MAD1L1: variants seen among roughly 807,000 people sequenced by gnomAD.
MAD1L1 encodes the protein mitotic spindle assembly checkpoint protein MAD1.
In MAD1L1, 95 loss-of-function variants were observed where a neutral mutation model predicts 96.9. The observed-to-expected ratio is 0.98, with a 90% CI of 0.83 to 1.16. The LOEUF (loss-of-function observed/expected upper bound fraction) is 1.16. Ranked by LOEUF, MAD1L1 falls within the 50% of genes most tolerant of loss-of-function variation. MAD1L1 has a pLI of 0.00. For synonymous variants in MAD1L1, 473 were observed against 396.6 expected (o/e 1.19, Z -2.29); for missense variants, 1,007 against 954.4 (o/e 1.06, Z -0.73).
intron 11 of MAD1L1, among the ~76,000 whole-genome samples, chr7:2,111,168 C>G (rs571762087): frequency 6.6e-6 from 1 of 152,206 alleles, no homozygotes; most frequent in African/African-American, 2.4e-5. Flanking sequence ...GCACACACAC[C>G]GAGCGTCCAC....
chr7:2,219,558 C>G, intron 5 of MAD1L1, 102 bp from the exon 6 acceptor site: 1 of 1,300,978 alleles, frequency 7.7e-7, no homozygotes, highest in Non-Finnish European at 1.1e-6. Context: ...ACACCACCCA[C>G]GTGCTATAAT....
chr7:2,002,254 G>C (rs536888956), intron 13 of MAD1L1, 133 bp from the exon 14 acceptor site: 1 of 823,888 alleles, frequency 1.2e-6, no homozygotes, highest in African/African-American at 1.7e-5. Context: ...GAGCTGGGAA[G>C]TGGGCAGCCA....
At chr7:2,195,805 G>A (rs2128609336) in intron 10 of MAD1L1, among the ~76,000 whole-genome samples, 1 of 152,370 alleles carries the variant, frequency 6.6e-6, no homozygotes, top group East Asian at 1.9e-4. Flanking sequence ...TTGGCTCCCA[G>A]CAAAGGCAGG....
intron 11 of MAD1L1, among the ~76,000 whole-genome samples, chr7:2,115,706 C>T (rs1376243434): frequency 1.3e-5 from 2 of 152,270 alleles, no homozygotes; most frequent in African/African-American, 4.8e-5. Flanking sequence ...ATGGCCACAT[C>T]CAGGGAAGCC....
intron 11 of MAD1L1, among the ~76,000 whole-genome samples, chr7:2,076,908 G>A (rs535982303): frequency 6.6e-6 from 1 of 150,690 alleles, no homozygotes; most frequent in African/African-American, 2.4e-5. Flanking sequence ...ACGACATAGT[G>A]AGCCCACAGC....
chr7:1,954,264 A>C (rs7804190), intron 16 of MAD1L1, among the ~76,000 whole-genome samples: 93,310 of 152,084 alleles, frequency 0.61, 28,800 homozygotes, highest in South Asian at 0.7. Context: ...CTCCAAAGAC[A>C]GCCTGCGGGA....
intron 18 of MAD1L1, among the ~76,000 whole-genome samples, chr7:1,833,834 G>A (rs563139670): frequency 2.8e-4 from 42 of 152,268 alleles, no homozygotes; most frequent in Non-Finnish European, 4.7e-4. Context: ...CCAGTTACTC[G>A]GGAGGCTGAG....
At chr7:2,092,011 A>G (rs1433710458) in intron 11 of MAD1L1, among the ~76,000 whole-genome samples, 1 of 152,232 alleles carries the variant, frequency 6.6e-6, no homozygotes, top group Non-Finnish European at 1.5e-5. Flanking sequence ...GCCCACAGAC[A>G]GGGCCATCAG....
intron 16 of MAD1L1, among the ~76,000 whole-genome samples, chr7:1,943,990 C>T (rs12699489): frequency 0.85 from 129,634 of 152,148 alleles, 56,816 homozygotes; most frequent in Non-Finnish European, 0.96. Flanking sequence ...AATACACCAC[C>T]GACACCTATG....
intron 11 of MAD1L1, among the ~76,000 whole-genome samples, chr7:2,135,716 G>A (rs758149565): frequency 6.6e-6 from 1 of 152,144 alleles, no homozygotes; most frequent in Non-Finnish European, 1.5e-5. Flanking sequence ...CACCTCTCAC[G>A]GCCACATATG....
At chr7:1,948,464 C>T (rs963212259) in intron 16 of MAD1L1, among the ~76,000 whole-genome samples, 2 of 152,218 alleles carry the variant, frequency 1.3e-5, no homozygotes, top group African/African-American at 4.8e-5. Flanking sequence ...GTCTGCCAAA[C>T]CAGTGGAGCC....
chr7:2,115,448 G>A (rs1351106558), intron 11 of MAD1L1, among the ~76,000 whole-genome samples: 10 of 146,466 alleles, frequency 6.8e-5, no homozygotes, highest in East Asian at 2.0e-4. Context: ...CAGGGTCCCC[G>A]CGTGTTCCGG....
intron 15 of MAD1L1, among the ~76,000 whole-genome samples, chr7:1,957,969 C>G (rs1446679082): frequency 6.6e-6 from 1 of 152,248 alleles, no homozygotes; most frequent in Non-Finnish European, 1.5e-5. Context: ...GAGAAAGTCT[C>G]TGTCGACCAC....
At chr7:1,888,366 G>A (rs1414626244) in intron 18 of MAD1L1, among the ~76,000 whole-genome samples, 7 of 151,022 alleles carry the variant, frequency 4.6e-5, no homozygotes, top group East Asian at 2.0e-4. Flanking sequence ...GCATGCATGC[G>A]TGTATGTGGC....
At chr7:1,950,762 AT>A (rs1297844961) in intron 16 of MAD1L1, among the ~76,000 whole-genome samples, 2 of 152,184 alleles carry the variant, frequency 1.3e-5, no homozygotes, top group Admixed American at 6.5e-5. Context: ...AAAGCTCAGC[AT>A]GGGGGGAGCA....
chr7:2,130,181 T>C (rs1247970196), intron 11 of MAD1L1, among the ~76,000 whole-genome samples: 1 of 152,236 alleles, frequency 6.6e-6, no homozygotes, highest in Non-Finnish European at 1.5e-5. Flanking sequence ...AGCAGGTGCC[T>C]GGCTGGGCGC....
Position 2,152,097 on chromosome 7 carries a change from G to C in MAD1L1, c.987-2859C>G, listed in dbSNP as rs142171579. ...TTGTCCTGCCCCAGGCAGGAACAGA[G>C]AGCATGGCTTGCCCTGAGGCAGAAG... On this transcript the variant is annotated intron_variant, in intron 10 of 18. Coordinates refer to ENST00000265854, the MANE Select transcript of MAD1L1 (RefSeq NM_001013836.2). Among the ~76,000 whole-genome samples, 4 of 152,374 alleles carry C rather than the reference G, an allele frequency of 2.6e-5. No individual in the cohort carries two copies. In the East Asian group the frequency reaches 7.7e-4, roughly 29 times the overall value.
intron 18 of MAD1L1, among the ~76,000 whole-genome samples, chr7:1,893,070 G>A (rs1050549159): frequency 9.2e-5 from 14 of 152,210 alleles, no homozygotes; most frequent in Admixed American, 9.2e-4. Flanking sequence ...CCCAGGCAGA[G>A]TATGGCCTTC....
chr7:1,823,583 G>A (rs1233860822), intron 18 of MAD1L1, among the ~76,000 whole-genome samples: 1 of 152,288 alleles, frequency 6.6e-6, no homozygotes, highest in South Asian at 2.1e-4. Flanking sequence ...TCCTGCCTGT[G>A]CCCTGGCCCC....
Sources: gnomAD v4.1 joint callset for allele counts (sites outside exome capture counted in the v4.1 genomes callset) on GRCh38, gnomAD v4.1.1 for gene constraint, MANE v1.5 for transcripts, NCBI Gene and HGNC (gene_info 2026-07-23, HGNC 2026-07-21) for gene names.